Variants in PDE1A observed in about 807,000 individuals in gnomAD.
The protein encoded by PDE1A is dual specificity calcium/calmodulin-dependent 3',5'-cyclic nucleotide phosphodiesterase 1A.
PDE1A carries 35 observed loss-of-function variants against 61.7 expected under a neutral mutation model. The ratio of observed to expected loss-of-function variants is 0.57; its 90% CI spans 0.43 to 0.75. The LOEUF (loss-of-function observed/expected upper bound fraction) is 0.75, where lower values mean the gene tolerates loss of function less well. Among genes scored for constraint, PDE1A ranks in the 30% least tolerant of loss-of-function variants. The probability of loss-of-function intolerance (pLI) is 0.00; values close to 1 mark genes in which losing one functional copy is unlikely to be tolerated. For missense variants in PDE1A, 597 were observed against 630.6 expected (o/e 0.95, Z 0.57); for synonymous variants, 232 against 213.2 (o/e 1.09, Z -0.77).
intron 1 of PDE1A, among the ~76,000 whole-genome samples, chr2:182,347,497 G>A (rs932200037): frequency 6.6e-6 from 1 of 151,818 alleles, no homozygotes; most frequent in South Asian, 2.1e-4. Context: ...TCCCTCCCTC[G>A]TAATCTCCTT....
chr2:182,577,984 GGAAGGAAGGGAC>G, the PDE1A span, among the ~76,000 whole-genome samples: 2 of 147,016 alleles, frequency 1.4e-5, no homozygotes, highest in Admixed American at 6.8e-5. Flanking sequence ...AAGGAAGGAA[GGAAGGAAGGGAC>G]GGAGGGAGGG....
intron 2 of PDE1A, among the ~76,000 whole-genome samples, chr2:182,458,897 T>G (rs2125753922): frequency 6.6e-6 from 1 of 152,210 alleles, no homozygotes; most frequent in African/African-American, 2.4e-5. Flanking sequence ...AATCCACTCT[T>G]CTAGCCATTT....
At chr2:182,611,567 C>T in the PDE1A span, among the ~76,000 whole-genome samples, 1 of 152,144 alleles carries the variant, frequency 6.6e-6, no homozygotes, top group Non-Finnish European at 1.5e-5. Context: ...GATTCATAGA[C>T]TCTTAGGAAA....
upstream of PDE1A, among the ~76,000 whole-genome samples, chr2:182,427,915 C>T (rs368172410): frequency 1.3e-5 from 2 of 151,996 alleles, no homozygotes; most frequent in African/African-American, 2.4e-5. Flanking sequence ...AAATGAGTAA[C>T]GTGCATGCCT....
chr2:182,502,368 CTG>C (rs1689135353), intron 2 of PDE1A, among the ~76,000 whole-genome samples: 1 of 151,846 alleles, frequency 6.6e-6, no homozygotes, highest in African/African-American at 2.4e-5. Flanking sequence ...GTATCTGTAT[CTG>C]TGTCTCCATT....
At chr2:182,449,291 G>T (rs1235027307) in intron 2 of PDE1A, among the ~76,000 whole-genome samples, 1 of 149,904 alleles carries the variant, frequency 6.7e-6, no homozygotes, top group African/African-American at 2.5e-5. Flanking sequence ...TACCAAAAAT[G>T]AAACAGAGAA....
chr2:182,392,560 C>T (rs11685463), intron 1 of PDE1A, among the ~76,000 whole-genome samples: 8,143 of 152,064 alleles, frequency 0.054, 319 homozygotes, highest in Non-Finnish European at 0.084. Context: ...GGTTTTAACT[C>T]ATTTCAGCAT....
downstream of PDE1A, among the ~76,000 whole-genome samples, chr2:182,143,750 C>T (rs779898761): frequency 6.6e-6 from 1 of 152,160 alleles, no homozygotes; most frequent in Non-Finnish European, 1.5e-5. Flanking sequence ...CTCCTGATCT[C>T]ATGATCCACC....
intron 10 of PDE1A, 83 bp from the exon 11 acceptor site, chr2:182,189,143 AG>A (rs1685487439): frequency 2.7e-6 from 2 of 750,436 alleles, no homozygotes; most frequent in Admixed American, 5.5e-5. Flanking sequence ...AGCCTAGAAA[AG>A]CCACATCTTT....
intron 1 of PDE1A, among the ~76,000 whole-genome samples, chr2:182,317,524 T>C (rs1246944247): frequency 6.6e-6 from 1 of 151,862 alleles, no homozygotes; most frequent in Non-Finnish European, 1.5e-5. Context: ...TCGTATAAGA[T>C]GATGAGTGCT....
At chr2:182,475,218 C>T (rs901655243) in intron 2 of PDE1A, among the ~76,000 whole-genome samples, 9 of 151,904 alleles carry the variant, frequency 5.9e-5, no homozygotes, top group Admixed American at 2.6e-4. Flanking sequence ...TCTTCCACAT[C>T]AGCACTGTCA....
chr2:182,264,867 GTATATATATACATATA>G (rs1406933050), intron 1 of PDE1A, among the ~76,000 whole-genome samples: 1 of 34,148 alleles, frequency 2.9e-5, no homozygotes. Context: ...AGAAAATGTG[GTATATATATACATATA>G]TATATATATG....
intron 1 of PDE1A, among the ~76,000 whole-genome samples, chr2:182,369,325 T>TA (rs781541651): frequency 6.6e-6 from 1 of 152,234 alleles, no homozygotes; most frequent in Admixed American, 6.5e-5. Flanking sequence ...AATAGCTTCT[T>TA]ATCGCACAGG....
Position 182,186,467 on chromosome 2 carries a change from C to T in PDE1A, c.1328+1G>A. 3 of 1,610,126 alleles carry T rather than the reference C, an allele frequency of 1.9e-6. No homozygotes were observed. Among genetic ancestry groups the T allele is most frequent in the Non-Finnish European group, 2.5e-6 (3 of 1,179,140 alleles). The stretch of plus-strand genomic sequence containing the variant: ...ATAATGCAAAAAAGAAAATATCATA[C>T]CTGCTTGCCACATAGGAAGAAGTTT... On this transcript the variant is annotated splice_donor_variant, in intron 12 of 13. Transcript: ENST00000351439. LOFTEE classifies it high-confidence loss of function.
At chr2:182,675,024 G>C in the PDE1A span, among the ~76,000 whole-genome samples, 1 of 152,062 alleles carries the variant, frequency 6.6e-6, no homozygotes, top group South Asian at 2.1e-4. Context: ...TGTGTCATGG[G>C]TGTTTGTTGT....
chr2:182,430,228 A>G (rs1703863821), upstream of PDE1A, among the ~76,000 whole-genome samples: 1 of 147,832 alleles, frequency 6.8e-6, no homozygotes, highest in Non-Finnish European at 1.5e-5. Flanking sequence ...GCTAATATCC[A>G]GAATCTACAA....
the PDE1A span, among the ~76,000 whole-genome samples, chr2:182,595,549 C>A: frequency 2.6e-4 from 39 of 152,320 alleles, no homozygotes; most frequent in East Asian, 7.5e-3. Context: ...TGCTTATTTT[C>A]TGATCCTACT....
chr2:182,599,351 CTT>C, the PDE1A span, among the ~76,000 whole-genome samples: 1 of 152,118 alleles, frequency 6.6e-6, no homozygotes, highest in Non-Finnish European at 1.5e-5. Flanking sequence ...TTAGGGTAGT[CTT>C]TTTCTTTCCT....
At chr2:182,480,665 G>A (rs1406612863) in intron 2 of PDE1A, among the ~76,000 whole-genome samples, 1 of 151,860 alleles carries the variant, frequency 6.6e-6, no homozygotes, top group Non-Finnish European at 1.5e-5. Context: ...CAGGAGAATG[G>A]GTGTAGGTTA....
Sources: allele counts gnomAD v4.1 joint callset (sites outside exome capture counted in the v4.1 genomes callset), GRCh38; gene constraint gnomAD v4.1.1; transcripts MANE v1.5; gene names NCBI Gene and HGNC (gene_info 2026-07-23, HGNC 2026-07-21).